Variants in SGMS1 observed in about 807,000 individuals in gnomAD.
SGMS1 encodes phosphatidylcholine:ceramide cholinephosphotransferase 1.
Under a neutral mutation model 46.2 loss-of-function variants are expected in SGMS1, and 13 were observed. The observed-to-expected ratio is 0.28, with a 90% confidence interval of 0.18 to 0.45. SGMS1 has a LOEUF of 0.45. Among genes scored for constraint, SGMS1 ranks in the 20% least tolerant of loss-of-function variants. SGMS1 has a pLI of 1.00. For synonymous variants in SGMS1, 203 were observed against 187.8 expected (o/e 1.08, Z -0.66); for missense variants, 324 against 519.9 (o/e 0.62, Z 3.66).
chr10:50,528,132 A>G (rs1203484292), intron 2 of SGMS1, among the ~76,000 whole-genome samples: 1 of 152,246 alleles, frequency 6.6e-6, no homozygotes, highest in Non-Finnish European at 1.5e-5. Context: ...CTATAAACCA[A>G]AAAGTATGCA....
At chr10:50,311,131 T>A (rs1847245558) in intron 9 of SGMS1, 131 bp downstream of exon 9, 1 of 1,057,456 alleles carries the variant, frequency 9.5e-7, no homozygotes, top group South Asian at 1.6e-5. Context: ...GGCGATGAGA[T>A]GAAGCTGCAA....
At chr10:50,402,821 A>G (rs1848960596) in intron 6 of SGMS1, among the ~76,000 whole-genome samples, 1 of 151,966 alleles carries the variant, frequency 6.6e-6, no homozygotes, top group Admixed American at 6.6e-5. Context: ...CTGGGATATT[A>G]GCGTACCTGT....
At chr10:50,340,157 C>T (rs1429978650) in intron 7 of SGMS1, among the ~76,000 whole-genome samples, 1 of 152,198 alleles carries the variant, frequency 6.6e-6, no homozygotes, top group Non-Finnish European at 1.5e-5. Flanking sequence ...ATGACCACCA[C>T]ACTAAGTCAT....
In SGMS1 at chr10:50,343,668, G is replaced by A. The variant is rs1190360936; in HGVS notation, c.447C>T (p.Thr149=). The A allele has an allele frequency of 6.2e-7, 1 of 1,614,150 alleles. No homozygotes were observed. The highest frequency in any genetic ancestry group is 1.1e-5 in the South Asian group (1 of 91,070). The change falls in exon 7 of 11, where the codon ACC becomes ACT. Residue 149 remains threonine, a synonymous_variant. Coordinates refer to ENST00000361781, the MANE Select transcript of SGMS1 (RefSeq NM_147156.4). ...CGTGGACGACCGAGATCATCACTGT[G>A]GTGAGAACGAAACAGGAAAGTGCAT... ...FLYALSCFVL[T]TVMISVVHER...
intron 9 of SGMS1, 82 bp from the exon 10 acceptor site, chr10:50,308,230 G>T: frequency 8.1e-7 from 1 of 1,231,790 alleles, no homozygotes. Context: ...TAATGCTTCT[G>T]AATCCAATTA....
intron 1 of SGMS1, among the ~76,000 whole-genome samples, chr10:50,596,203 T>C (rs908760449): frequency 1.4e-5 from 2 of 147,026 alleles, no homozygotes; most frequent in African/African-American, 5.1e-5. Context: ...TGAGACAGAG[T>C]TTCGCTCTTG....
intron 6 of SGMS1, among the ~76,000 whole-genome samples, chr10:50,362,733 T>C (rs921757098): frequency 6.6e-6 from 1 of 152,088 alleles, no homozygotes; most frequent in African/African-American, 2.4e-5. Context: ...ATGAATTTGA[T>C]CATATAAAAC....
intron 6 of SGMS1, among the ~76,000 whole-genome samples, chr10:50,393,896 G>A (rs1401494845): frequency 2.0e-5 from 3 of 152,178 alleles, no homozygotes; most frequent in African/African-American, 4.8e-5. Context: ...TTCTTCGATC[G>A]TGCAAGTCCT....
intron 7 of SGMS1, among the ~76,000 whole-genome samples, chr10:50,336,311 A>G (rs1847716829): frequency 6.6e-6 from 1 of 152,238 alleles, no homozygotes; most frequent in Admixed American, 6.5e-5. Flanking sequence ...GAGAAAACGT[A>G]CTAGAAACAG....
intron 6 of SGMS1, among the ~76,000 whole-genome samples, chr10:50,381,288 A>G (rs936276781): frequency 1.3e-5 from 2 of 151,660 alleles, no homozygotes; most frequent in African/African-American, 4.9e-5. Flanking sequence ...AAAGAAGAAG[A>G]AGAAAAAAAA....
chr10:50,612,680 A>T (rs368489193), intron 1 of SGMS1, among the ~76,000 whole-genome samples: 16 of 152,270 alleles, frequency 1.1e-4, no homozygotes, highest in African/African-American at 3.4e-4. Flanking sequence ...CCTAGCAGAC[A>T]GCTAACATTT....
intron 6 of SGMS1, among the ~76,000 whole-genome samples, chr10:50,378,325 T>G (rs1848548695): frequency 6.6e-6 from 1 of 152,166 alleles, no homozygotes; most frequent in African/African-American, 2.4e-5. Context: ...CAGAGAGAGA[T>G]GGGAAGACAG....
At chr10:50,417,494 A>T (rs1220409871) in intron 6 of SGMS1, among the ~76,000 whole-genome samples, 1 of 152,188 alleles carries the variant, frequency 6.6e-6, no homozygotes, top group South Asian at 2.1e-4. Context: ...AAATTCCACA[A>T]GAGCGATTAC....
At chr10:50,512,701 GT>G (rs1837767949) in intron 3 of SGMS1, among the ~76,000 whole-genome samples, 1 of 152,218 alleles carries the variant, frequency 6.6e-6, no homozygotes, top group Non-Finnish European at 1.5e-5. Flanking sequence ...TGTAGAAATG[GT>G]TTAGTGATTA....
chr10:50,471,307 T>C (rs566179678), intron 3 of SGMS1, among the ~76,000 whole-genome samples: 19 of 152,308 alleles, frequency 1.2e-4, no homozygotes, highest in African/African-American at 4.6e-4. Context: ...GGTGGGATTA[T>C]ATAGAGATGA....
intron 5 of SGMS1, among the ~76,000 whole-genome samples, chr10:50,439,632 C>T (rs1002676564): frequency 2.6e-5 from 4 of 152,128 alleles, no homozygotes; most frequent in Admixed American, 6.5e-5. Flanking sequence ...AAAGCTCCTA[C>T]AGTACTTCTA....
At chr10:50,537,868 C>A (rs562357607) in intron 2 of SGMS1, among the ~76,000 whole-genome samples, 51 of 152,228 alleles carry the variant, frequency 3.4e-4, no homozygotes, top group Non-Finnish European at 5.7e-4. Context: ...AAAAGCCATC[C>A]AAGAAGATGG....
At chr10:50,566,788 T>A (rs137910454) in intron 2 of SGMS1, among the ~76,000 whole-genome samples, 1 of 152,356 alleles carries the variant, frequency 6.6e-6, no homozygotes, top group Non-Finnish European at 1.5e-5. Flanking sequence ...AGCTTAAGTC[T>A]CTGATGTAAA....
chr10:50,372,523 T>A (rs889060571), intron 6 of SGMS1, among the ~76,000 whole-genome samples: 22 of 151,980 alleles, frequency 1.4e-4, no homozygotes, highest in African/African-American at 5.1e-4. Flanking sequence ...TGAAACGCCA[T>A]CTCTACGAAA....
Sources: allele counts gnomAD v4.1 joint callset (sites outside exome capture counted in the v4.1 genomes callset), GRCh38; gene constraint gnomAD v4.1.1; transcripts MANE v1.5; gene names NCBI Gene and HGNC (gene_info 2026-07-23, HGNC 2026-07-21).